TENM2: variants seen among roughly 807,000 people sequenced by gnomAD.
The protein encoded by TENM2 is teneurin-2.
In TENM2, 52 loss-of-function variants were observed where a neutral mutation model predicts 245.2. The ratio of observed to expected loss-of-function variants is 0.21; its 90% confidence interval spans 0.17 to 0.27. The LOEUF is 0.27. TENM2 is among the 10% of genes least tolerant of loss of function. The pLI is 1.00. For missense variants in TENM2, 3,046 were observed against 3,666.8 expected, an observed-to-expected ratio of 0.83 and a Z score of 4.37; for synonymous variants, 1,363 against 1,438.9, an observed-to-expected ratio of 0.95 and a Z score of 1.19.
At chr5:167,905,512 A>G (rs1776023340) in intron 3 of TENM2, among the ~76,000 whole-genome samples, 1 of 152,218 alleles carries the variant, frequency 6.6e-6, no homozygotes, top group African/African-American at 2.4e-5. Context: ...AAAACTCCAC[A>G]GGAGGGGGCT....
At chr5:167,151,470 C>T in the TENM2 span, among the ~76,000 whole-genome samples, 11 of 152,258 alleles carry the variant, frequency 7.2e-5, no homozygotes, top group South Asian at 2.1e-4. Flanking sequence ...GTGTGAGAAA[C>T]GCAAAAACCT....
At chr5:167,405,322 G>A (rs1217286302) in intron 2 of TENM2, among the ~76,000 whole-genome samples, 1 of 151,956 alleles carries the variant, frequency 6.6e-6, no homozygotes, top group African/African-American at 2.4e-5. Context: ...GCAAACTCCA[G>A]TTCTGCTGCT....
chr5:167,058,704 C>T, the TENM2 span, among the ~76,000 whole-genome samples: 1 of 152,042 alleles, frequency 6.6e-6, no homozygotes, highest in Admixed American at 6.6e-5. Context: ...TCAGCCATGA[C>T]AGTGCCACTG....
intron 3 of TENM2, among the ~76,000 whole-genome samples, chr5:167,944,947 G>A (rs925897689): frequency 5.3e-5 from 8 of 152,286 alleles, no homozygotes; most frequent in Non-Finnish European, 4.4e-5. Context: ...TTCCCTCTGT[G>A]TCTAGCCATC....
the TENM2 span, among the ~76,000 whole-genome samples, chr5:167,273,255 A>G: frequency 6.6e-6 from 1 of 152,156 alleles, no homozygotes; most frequent in Non-Finnish European, 1.5e-5. Flanking sequence ...GAAATGTGGA[A>G]TGTAACAGAA....
At chr5:168,233,824 G>A (rs563906210) in intron 25 of TENM2, among the ~76,000 whole-genome samples, 17 of 152,266 alleles carry the variant, frequency 1.1e-4, no homozygotes, top group African/African-American at 3.4e-4. Flanking sequence ...CTTACTTGAC[G>A]GCATCAAGAG....
chr5:168,086,823 G>T (rs185652015), intron 7 of TENM2, among the ~76,000 whole-genome samples: 1 of 152,228 alleles, frequency 6.6e-6, no homozygotes, highest in Non-Finnish European at 1.5e-5. Flanking sequence ...TCAATTCCCA[G>T]TGTTGAGGGA....
intron 5 of TENM2, among the ~76,000 whole-genome samples, chr5:168,013,851 C>T (rs531830034): frequency 4.4e-4 from 67 of 152,316 alleles, no homozygotes; most frequent in African/African-American, 1.4e-3. Flanking sequence ...AGCTAGTCCA[C>T]GCTCTCCCTG....
At chr5:168,063,061 G>A (rs1041015680) in intron 7 of TENM2, among the ~76,000 whole-genome samples, 1 of 152,170 alleles carries the variant, frequency 6.6e-6, no homozygotes, top group Non-Finnish European at 1.5e-5. Flanking sequence ...ATCCCAACCT[G>A]ATGAAAACAG....
At chr5:167,554,394 C>A (rs1773133425) in intron 2 of TENM2, among the ~76,000 whole-genome samples, 1 of 152,150 alleles carries the variant, frequency 6.6e-6, no homozygotes, top group Non-Finnish European at 1.5e-5. Context: ...GACACTTGTT[C>A]TGATCAGATG....
intron 2 of TENM2, among the ~76,000 whole-genome samples, chr5:167,841,904 TATATATGTATATTC>T (rs1433175901): frequency 6.6e-6 from 1 of 152,116 alleles, no homozygotes; most frequent in Non-Finnish European, 1.5e-5. Context: ...TAATATGTTT[TATATATGTATATTC>T]ATATATGTAT....
chr5:167,252,409 T>C, the TENM2 span, among the ~76,000 whole-genome samples: 5 of 152,134 alleles, frequency 3.3e-5, no homozygotes, highest in Admixed American at 3.3e-4. Flanking sequence ...TTGTAGTAAG[T>C]AGGCGAATGG....
chr5:168,238,215 G>GAAA lies in TENM2; in HGVS notation c.5521-6204_5521-6203insAAA, dbSNP rs1765712650. Among the ~76,000 whole-genome samples the GAAA allele has an allele frequency of 3.2e-4, 12 of 36,986 alleles. 2 individuals carry two copies. The highest frequency in any genetic ancestry group is 1.4e-3 in the South Asian group (1 of 738). The allele number at this position is 36,986 out of a possible 152,430, so 24.3% of individuals were successfully genotyped here. ...GGAGGGAGGGAGGGAGGGAGGGAGG[G>GAAA]AGAGAGAAGAAAAGAAAAGAAAAGA... On this transcript the variant is annotated intron_variant, in intron 25 of 28. Coordinates refer to ENST00000518659, the Ensembl canonical transcript of TENM2.
chr5:168,250,076 C>G, intron 27 of TENM2, among the ~76,000 whole-genome samples: 4 of 151,432 alleles, frequency 2.6e-5, no homozygotes, highest in Admixed American at 2.6e-4. Context: ...GGATGGATGG[C>G]TGACTGGATG....
chr5:167,076,733 T>C, the TENM2 span, among the ~76,000 whole-genome samples: 31 of 152,334 alleles, frequency 2.0e-4, no homozygotes, highest in East Asian at 5.6e-3. Context: ...CACCCCCCTG[T>C]TGAAAGTATT....
chr5:167,265,459 A>C, the TENM2 span, among the ~76,000 whole-genome samples: 1 of 152,218 alleles, frequency 6.6e-6, no homozygotes, highest in African/African-American at 2.4e-5. Context: ...TTTTACTTCA[A>C]GTTCAGGTGA....
chr5:167,940,883 A>G (rs1209656706), intron 3 of TENM2, among the ~76,000 whole-genome samples: 1 of 152,170 alleles, frequency 6.6e-6, no homozygotes, highest in African/African-American at 2.4e-5. Context: ...ATCAAATATC[A>G]TCTTATCGAG....
downstream of TENM2, chr5:168,264,081 A>G (rs1299020995): frequency 6.6e-6 from 1 of 152,584 alleles, no homozygotes. Context: ...AGCAAAGACT[A>G]GGGACAGGCA....
rs561116200 is a variant in TENM2, at chr5:167,318,341, C to G, written c.226+33278C>G. On this transcript the variant is annotated intron_variant, in intron 1 of 28. Coordinates refer to ENST00000518659, the Ensembl canonical transcript of TENM2. The stretch of plus-strand genomic sequence containing the variant: ...TGATTCATGTTAGAAAAATGAGGAG[C>G]ACAGTGCACTAGACATACAAGGTTA... Among the ~76,000 whole-genome samples the G allele has an allele frequency of 1.1e-3, 169 of 151,986 alleles. 1 individual carries two copies. The highest frequency in any genetic ancestry group is 2.2e-3 in the Non-Finnish European group (151 of 67,982).
Sources: allele counts gnomAD v4.1 joint callset (sites outside exome capture counted in the v4.1 genomes callset), GRCh38; gene constraint gnomAD v4.1.1; transcripts MANE v1.5; gene names NCBI Gene and HGNC (gene_info 2026-07-23, HGNC 2026-07-21).